PRICKLE2: variants seen among roughly 807,000 people sequenced by gnomAD.
PRICKLE2 encodes prickle planar cell polarity protein 2.
PRICKLE2 carries 21 observed loss-of-function variants against 81.4 expected under a neutral mutation model. The observed-to-expected ratio is 0.26, with a 90% CI of 0.18 to 0.37. The LOEUF (loss-of-function observed/expected upper bound fraction) is 0.37. Ranked by LOEUF, PRICKLE2 falls within the 10% of genes least tolerant of loss-of-function variation. The pLI, the probability that PRICKLE2 is intolerant of heterozygous loss-of-function variation, is 1.00. For missense variants in PRICKLE2, 940 were observed against 1,109.0 expected, an observed-to-expected ratio of 0.85 and a Z score of 2.16; for synonymous variants, 456 against 421.5, an observed-to-expected ratio of 1.08 and a Z score of -1.00.
At chr3:64,162,155 G>C (rs535596651) in intron 3 of PRICKLE2, among the ~76,000 whole-genome samples, 2 of 152,200 alleles carry the variant, frequency 1.3e-5, no homozygotes, top group East Asian at 1.9e-4. Flanking sequence ...TCGTGGGTTG[G>C]AGAGTTGGTA....
At chr3:64,136,243 T>C (rs901762401) in intron 7 of PRICKLE2, among the ~76,000 whole-genome samples, 1 of 151,894 alleles carries the variant, frequency 6.6e-6, no homozygotes, top group Non-Finnish European at 1.5e-5. Context: ...TGTAGACAGA[T>C]GCAAGTTCTA....
intron 7 of PRICKLE2, among the ~76,000 whole-genome samples, chr3:64,120,581 T>A (rs697264): frequency 0.52 from 78,613 of 151,868 alleles, 20,511 homozygotes; most frequent in Middle Eastern, 0.62. Context: ...AAAATGAAAA[T>A]CTGAATCCAC....
At chr3:64,137,605 T>A (rs2077297358) in intron 7 of PRICKLE2, among the ~76,000 whole-genome samples, 1 of 152,116 alleles carries the variant, frequency 6.6e-6, no homozygotes, top group Admixed American at 6.6e-5. Context: ...GACCACAACA[T>A]TGTAGCAGGG....
In PRICKLE2 at chr3:64,209,475, T is replaced by C. The variant is rs543993260; in HGVS notation, c.-40-10508A>G. ...CCATCTACCCATCCATTCATATCCATACATACAACTATATCTATCCATCTA... is the reference window on the plus strand; with the variant it reads ...CCATCTACCCATCCATTCATATCCACACATACAACTATATCTATCCATCTA... On this transcript the variant is annotated intron_variant, in intron 1 of 7. Coordinates refer to ENST00000638394, the MANE Select transcript of PRICKLE2 (RefSeq NM_198859.4). Among the ~76,000 whole-genome samples, 30 of 152,194 alleles carry C rather than the reference T, an allele frequency of 2.0e-4. 1 individual carries two copies. In the South Asian group the frequency reaches 5.6e-3, roughly 28 times the overall value.
intron 2 of PRICKLE2, among the ~76,000 whole-genome samples, chr3:64,193,530 A>G (rs2078387793): frequency 6.6e-6 from 1 of 152,190 alleles, no homozygotes; most frequent in South Asian, 2.1e-4. Context: ...AGGCCTAGAA[A>G]AGACAGCTCA....
At chr3:64,225,518 G>A (rs1049368977), upstream of PRICKLE2, 10 of 915,254 alleles carry the variant, frequency 1.1e-5, no homozygotes, top group South Asian at 3.0e-4. Flanking sequence ...AGTCAGTCAC[G>A]GCATCTGGAC....
chr3:64,184,426 C>T (rs2078185917), intron 2 of PRICKLE2, among the ~76,000 whole-genome samples: 1 of 152,204 alleles, frequency 6.6e-6, no homozygotes. Context: ...AATGGTCCCA[C>T]TGATCATATT....
intron 7 of PRICKLE2, among the ~76,000 whole-genome samples, chr3:64,104,088 C>T (rs2076714311): frequency 1.3e-5 from 2 of 152,206 alleles, no homozygotes; most frequent in African/African-American, 4.8e-5. Context: ...ATATCATATA[C>T]TCCAGTAATT....
chr3:64,211,110 A>T (rs777012172), intron 1 of PRICKLE2, among the ~76,000 whole-genome samples: 8 of 152,176 alleles, frequency 5.3e-5, no homozygotes, highest in Non-Finnish European at 1.0e-4. Context: ...AACTCTCAAC[A>T]GCCATTGGTT....
In PRICKLE2 at chr3:64,198,872, T is replaced by C; in HGVS notation, c.56A>G (p.Asp19Gly). The C allele has an allele frequency of 6.2e-7, 1 of 1,614,180 alleles. No homozygotes were observed. The highest frequency in any genetic ancestry group is 1.6e-4 in the Middle Eastern group (1 of 6,062). Reference sequence around the variant, plus strand: ...ATCTGAGGTCGAGTTCCTCTGAAAGTCAAACATGAGTTTGCTGATGGTCTT... The same window carrying C: ...ATCTGAGGTCGAGTTCCTCTGAAAGCCAAACATGAGTTTGCTGATGGTCTT... ...MEKTISKLMF[D>G]FQRNSTSDDD... Residue 19 changes from aspartate to glycine, a missense_variant, in exon 2 of 8, where the codon GAC becomes GGC. Physicochemically the swap from Asp to Gly is moderately conservative, Grantham distance 94. Coordinates refer to ENST00000638394, the MANE Select transcript of PRICKLE2 (RefSeq NM_198859.4).
At chr3:64,150,702 C>T (rs1020005067) in intron 6 of PRICKLE2, among the ~76,000 whole-genome samples, 2 of 152,172 alleles carry the variant, frequency 1.3e-5, no homozygotes, top group Non-Finnish European at 2.9e-5. Flanking sequence ...AGTCCAGTCC[C>T]TCTGGTCTGT....
At chr3:64,227,952 C>G (rs1381680615), upstream of PRICKLE2, among the ~76,000 whole-genome samples, 1 of 152,120 alleles carries the variant, frequency 6.6e-6, no homozygotes, top group African/African-American at 2.4e-5. Context: ...AAAGTTCTAT[C>G]TAATGTGGGT....
In PRICKLE2 at chr3:64,159,956, C is replaced by T. The variant is rs774630443; in HGVS notation, c.380G>A (p.Gly127Glu). The T allele has an allele frequency of 1.2e-6, 2 of 1,614,140 alleles. No individual in the cohort carries two copies. Among genetic ancestry groups the T allele is most frequent in the Non-Finnish European group, 1.7e-6 (2 of 1,180,018 alleles). ...NVRPFPVTMTGAICEQCGGQI... is the reference protein window; with the variant it reads ...NVRPFPVTMTEAICEQCGGQI... ...CATGCTTACCTGTTCACAAATAGCT[C>T]CTGTCATGGTGACTGGGAAAGGCCT... Residue 127 changes from glycine to glutamate, a missense_variant, in exon 4 of 8, where the codon GGA (glycine) becomes GAA (glutamate). This residue lies in a region of PRICKLE2 where 270 missense variants were observed against 391.8 expected (regional missense o/e 0.69). Coordinates refer to ENST00000638394, the MANE Select transcript of PRICKLE2 (RefSeq NM_198859.4).
At position 64,173,535 on chromosome 3, in the gene PRICKLE2, C is replaced by A. The variant is rs182930622; in HGVS notation, c.145-10406G>T. Among the ~76,000 whole-genome samples the A allele has an allele frequency of 3.9e-5, 6 of 152,160 alleles. No homozygotes were observed. In the East Asian group the frequency reaches 1.2e-3, roughly 29 times the overall value. On this transcript the variant is annotated intron_variant, in intron 2 of 7. Coordinates refer to ENST00000638394, the MANE Select transcript of PRICKLE2 (RefSeq NM_198859.4). ...ATGGCTGTATTTAACAATGGATTTA[C>A]AAAATTCCTGAAAACTGACCAATTG...
At chr3:64,127,505 C>T (rs897426740) in intron 7 of PRICKLE2, among the ~76,000 whole-genome samples, 1 of 152,144 alleles carries the variant, frequency 6.6e-6, no homozygotes, top group Non-Finnish European at 1.5e-5. Flanking sequence ...CCCCTAAGAG[C>T]AGGTATCATC....
intron 7 of PRICKLE2, among the ~76,000 whole-genome samples, chr3:64,139,669 T>C (rs1361615663): frequency 6.6e-6 from 1 of 152,202 alleles, no homozygotes; most frequent in Non-Finnish European, 1.5e-5. Flanking sequence ...GTTGCCCTTA[T>C]TAGAAAGGCC....
At chr3:64,233,725 C>G (rs1301857784) in intron 2 of PRICKLE2, among the ~76,000 whole-genome samples, 1 of 152,122 alleles carries the variant, frequency 6.6e-6, no homozygotes, top group Non-Finnish European at 1.5e-5. Flanking sequence ...TACTATACAG[C>G]TCACCCATTT....
rs1356329200 is a variant in PRICKLE2, at chr3:64,096,293, G to A, written c.*2758C>T. The A allele has an allele frequency of 6.6e-6, 1 of 152,188 alleles. No homozygotes were observed. The highest frequency in any genetic ancestry group is 2.4e-5 in the African/African-American group (1 of 41,446). 9.4% of individuals were successfully genotyped at this position (152,188 alleles called of 1,614,324 possible). A position where few individuals can be genotyped will look rare whatever the true frequency, so the allele number is the denominator to read the frequency against. The stretch of plus-strand genomic sequence containing the variant: ...AGTACAGGCCCTACTCACAGGAGGA[G>A]CTTGTCCAATAAGAGTTAATGGTTG... On this transcript the variant is annotated 3_prime_UTR_variant, in exon 8 of 8. Transcript: ENST00000638394.
intron 7 of PRICKLE2, among the ~76,000 whole-genome samples, chr3:64,119,447 T>C (rs1006032821): frequency 6.6e-6 from 1 of 151,990 alleles, no homozygotes; most frequent in African/African-American, 2.4e-5. Flanking sequence ...CCAACACACA[T>C]AGGAAAAAAT....
Sources: gnomAD v4.1 joint callset for allele counts (sites outside exome capture counted in the v4.1 genomes callset) on GRCh38, gnomAD v4.1.1 for gene constraint, gnomAD v4.1.1 regional missense constraint, MANE v1.5 for transcripts, NCBI Gene and HGNC (gene_info 2026-07-23, HGNC 2026-07-21) for gene names.